POU3F3: variants seen among roughly 807,000 people sequenced by gnomAD.
POU3F3 encodes the protein POU class 3 homeobox 3.
In POU3F3, 1 loss-of-function variant was observed where a neutral mutation model predicts 8.6. That is an observed-to-expected ratio of 0.12 (90% CI 0.04 to 0.55). The LOEUF is 0.55. Ranked by LOEUF, POU3F3 falls within the 20% of genes least tolerant of loss-of-function variation. The pLI, the probability that POU3F3 is intolerant of heterozygous loss-of-function variation, is 0.91. For missense variants in POU3F3, 577 were observed against 690.7 expected, an observed-to-expected ratio of 0.84 and a Z score of 1.84; for synonymous variants, 418 against 327.4, an observed-to-expected ratio of 1.28 and a Z score of -2.99.
At position 104,854,995 on chromosome 2, in the gene POU3F3, G is replaced by A. The variant is rs760380096; in HGVS notation, c.-516G>A. Reference sequence around the variant, plus strand: ...AGCAGGTGGACGGAGCCCCGCGACCGGGCAGAGTCCGGGCTCGCCCGAGGA... The same window carrying A: ...AGCAGGTGGACGGAGCCCCGCGACCAGGCAGAGTCCGGGCTCGCCCGAGGA... On this transcript the variant is annotated 5_prime_UTR_variant, in exon 1 of 1. Transcript: ENST00000361360. This position sits in a 1 kb window ranked among gnomAD's most constrained non-coding sequence, Gnocchi z 4.5. Among the ~76,000 whole-genome samples the A allele has an allele frequency of 1.3e-5, 2 of 152,160 alleles. No individual in the cohort carries two copies. The highest frequency in any genetic ancestry group is 2.4e-5 in the African/African-American group (1 of 41,458).
chr2:104,875,345 G>A, the POU3F3 span, among the ~76,000 whole-genome samples: 8 of 152,298 alleles, frequency 5.3e-5, no homozygotes, highest in African/African-American at 1.2e-4. Context: ...TCTTTTCAGC[G>A]TGTACCCAGA....
chr2:104,900,256 C>T, the POU3F3 span, among the ~76,000 whole-genome samples: 122 of 152,244 alleles, frequency 8.0e-4, no homozygotes, highest in Non-Finnish European at 1.4e-3. Context: ...ATGTACACTG[C>T]GCATGGTTAG....
At chr2:104,916,573 G>A in the POU3F3 span, among the ~76,000 whole-genome samples, 1 of 152,122 alleles carries the variant, frequency 6.6e-6, no homozygotes, top group Non-Finnish European at 1.5e-5. Flanking sequence ...CTTATGACAT[G>A]GTGTTTGACG....
the POU3F3 span, among the ~76,000 whole-genome samples, chr2:104,907,178 C>T: frequency 6.6e-6 from 1 of 152,192 alleles, no homozygotes; most frequent in Non-Finnish European, 1.5e-5. Flanking sequence ...TCCGTTTGTG[C>T]TTCCTTCTCT....
the POU3F3 span, among the ~76,000 whole-genome samples, chr2:104,884,376 C>G: frequency 6.6e-6 from 1 of 152,172 alleles, no homozygotes; most frequent in Non-Finnish European, 1.5e-5. Context: ...TCCCTCAGCC[C>G]TGCACTGATT....
the POU3F3 span, among the ~76,000 whole-genome samples, chr2:104,912,822 A>G: frequency 2.6e-5 from 4 of 152,220 alleles, no homozygotes; most frequent in South Asian, 2.1e-4. Flanking sequence ...TGATGTCAGC[A>G]TCCCTTCTGA....
downstream of POU3F3, among the ~76,000 whole-genome samples, chr2:104,863,185 T>C (rs1333445018): frequency 6.8e-6 from 1 of 146,680 alleles, no homozygotes; most frequent in Non-Finnish European, 1.5e-5. Flanking sequence ...ATTATTATTA[T>C]TATTATTATT....
chr2:104,903,724 G>A, the POU3F3 span, among the ~76,000 whole-genome samples: 4 of 152,270 alleles, frequency 2.6e-5, no homozygotes, highest in South Asian at 2.1e-4. Context: ...ACAAGGAGAC[G>A]GTTAATAAAT....
At chr2:104,908,497 G>A in the POU3F3 span, among the ~76,000 whole-genome samples, 1 of 152,196 alleles carries the variant, frequency 6.6e-6, no homozygotes, top group Non-Finnish European at 1.5e-5. Flanking sequence ...ATTTTCAAGA[G>A]CACGTGACCA....
the POU3F3 span, among the ~76,000 whole-genome samples, chr2:104,926,705 A>G: frequency 2.0e-5 from 3 of 152,346 alleles, no homozygotes; most frequent in Non-Finnish European, 4.4e-5. Context: ...CCAAATGCCC[A>G]TCAATGATAG....
chr2:104,855,804 C>A lies in POU3F3; in HGVS notation c.294C>A (p.Val98=). The A allele has an allele frequency of 7.9e-7, 1 of 1,270,956 alleles. No homozygotes were observed. The highest frequency in any genetic ancestry group is 2.7e-5 in the Admixed American group (1 of 37,338). The allele number at this position is 1,270,956 out of a possible 1,614,324, so 78.7% of individuals were successfully genotyped here. The stretch of plus-strand genomic sequence containing the variant: ...TGCTGAGCCACGCGCACCAGTGGGT[C>A]ACAGCCCTGCCCCACGCCGCCGCCG... ...GHMLSHAHQW[V]TALPHAAAAA... is the part of the protein sequence containing the mutation. Residue 98 remains valine (V), a synonymous_variant, in exon 1 of 1, where the codon GTC becomes GTA. Coordinates refer to ENST00000361360, the MANE Select transcript of POU3F3 (RefSeq NM_006236.3).
the POU3F3 span, among the ~76,000 whole-genome samples, chr2:104,908,110 G>T: frequency 2.8e-3 from 433 of 152,314 alleles, 1 homozygote; most frequent in African/African-American, 9.8e-3. Context: ...TGCATGAATA[G>T]ATTTCTTAAT....
the POU3F3 span, among the ~76,000 whole-genome samples, chr2:104,913,536 G>A: frequency 6.6e-6 from 1 of 152,256 alleles, no homozygotes; most frequent in Non-Finnish European, 1.5e-5. Flanking sequence ...AGAAGACTCA[G>A]GTGACCAGTG....
At chr2:104,917,765 C>A in the POU3F3 span, among the ~76,000 whole-genome samples, 2 of 152,146 alleles carry the variant, frequency 1.3e-5, no homozygotes, top group Non-Finnish European at 2.9e-5. Context: ...TCAGCTCCAC[C>A]ACCAGAATCC....
the POU3F3 span, among the ~76,000 whole-genome samples, chr2:104,868,746 GC>G: frequency 1.1e-4 from 17 of 152,160 alleles, no homozygotes. Flanking sequence ...AGTGACACAA[GC>G]CCCCACCCCT....
chr2:104,895,153 C>A, the POU3F3 span, among the ~76,000 whole-genome samples: 1 of 151,832 alleles, frequency 6.6e-6, no homozygotes, highest in African/African-American at 2.4e-5. Context: ...ACAGCTGCAC[C>A]TTTTTGGGCT....
downstream of POU3F3, among the ~76,000 whole-genome samples, chr2:104,863,196 AT>A (rs1676686984): frequency 7.0e-6 from 1 of 143,746 alleles, no homozygotes; most frequent in Non-Finnish European, 1.5e-5. Flanking sequence ...TATTATTATT[AT>A]TATTATTATT....
At chr2:104,916,950 C>A in the POU3F3 span, among the ~76,000 whole-genome samples, 35 of 152,308 alleles carry the variant, frequency 2.3e-4, no homozygotes, top group African/African-American at 8.4e-4. Flanking sequence ...CAGCTGTCAC[C>A]AATGTGGGTG....
chr2:104,893,559 T>C, the POU3F3 span, among the ~76,000 whole-genome samples: 1 of 152,214 alleles, frequency 6.6e-6, no homozygotes, highest in African/African-American at 2.4e-5. Context: ...AGGATGGTGA[T>C]TGCATTGACT....
Sources: allele counts gnomAD v4.1 joint callset (sites outside exome capture counted in the v4.1 genomes callset), GRCh38; gene constraint gnomAD v4.1.1; non-coding constraint Gnocchi (gnomAD v3.1); transcripts MANE v1.5; gene names NCBI Gene and HGNC (gene_info 2026-07-23, HGNC 2026-07-21).